TNNI3K: variants seen among roughly 807,000 people sequenced by gnomAD.
The protein encoded by TNNI3K is serine/threonine-protein kinase TNNI3K.
TNNI3K carries 140 observed loss-of-function variants against 114.5 expected under a neutral mutation model. The observed-to-expected ratio is 1.22, with a 90% CI of 1.07 to 1.41. TNNI3K has a LOEUF of 1.41. Ranked by LOEUF, TNNI3K falls within the 40% of genes most tolerant of loss-of-function variation. The probability of loss-of-function intolerance (pLI) is 0.00; values close to 1 mark genes in which losing one functional copy is unlikely to be tolerated. For synonymous variants in TNNI3K, 347 were observed against 347.5 expected, an observed-to-expected ratio of 1.00 and a Z score of 0.02; for missense variants, 1,125 against 1,007.6, an observed-to-expected ratio of 1.12 and a Z score of -1.58.
chr1:74,491,195 A>G (rs534849496), intron 22 of TNNI3K, among the ~76,000 whole-genome samples: 2 of 152,236 alleles, frequency 1.3e-5, no homozygotes, highest in East Asian at 3.9e-4. Context: ...GAAAAGAGAT[A>G]ATTAGGGTGA....
chr1:74,310,618 G>T (rs533238055), intron 5 of TNNI3K, among the ~76,000 whole-genome samples: 1 of 152,148 alleles, frequency 6.6e-6, no homozygotes, highest in African/African-American at 2.4e-5. Flanking sequence ...ACAAAGATAG[G>T]CATATAGATT....
intron 5 of TNNI3K, among the ~76,000 whole-genome samples, chr1:74,287,458 C>T (rs1657403472): frequency 6.6e-6 from 1 of 152,026 alleles, no homozygotes; most frequent in Non-Finnish European, 1.5e-5. Context: ...TTTGAAAGCA[C>T]CATGAGAAAA....
rs200304395 is a variant in TNNI3K, at chr1:74,369,520, G to A, written c.1602G>A (p.Gln534=). The A allele has an allele frequency of 1.6e-5, 26 of 1,612,682 alleles. No homozygotes were observed. Among genetic ancestry groups the A allele is most frequent in the Non-Finnish European group, 1.8e-5 (21 of 1,179,130 alleles). Reference sequence around the variant, plus strand: ...GTGCTTGCTTGAATGATCCCAGCCAGTTTGCCATTGTCACTCAATACATAT... The same window carrying A: ...GTGCTTGCTTGAATGATCCCAGCCAATTTGCCATTGTCACTCAATACATAT... The part of the protein sequence containing the change: ...FVGACLNDPS[Q]FAIVTQYISG... Residue 534 remains glutamine (Q), a synonymous_variant, in exon 16 of 25, where the codon CAG becomes CAA. Transcript: ENST00000326637.
chr1:74,297,644 G>T (rs1245275683), intron 5 of TNNI3K, among the ~76,000 whole-genome samples: 2 of 152,002 alleles, frequency 1.3e-5, no homozygotes, highest in African/African-American at 4.8e-5. Context: ...TGTGCAATGA[G>T]CATGGGGGAT....
chr1:74,496,288 C>G (rs1023056487), intron 23 of TNNI3K, among the ~76,000 whole-genome samples: 1 of 152,152 alleles, frequency 6.6e-6, no homozygotes, highest in African/African-American at 2.4e-5. Context: ...CAAAGGGGAC[C>G]ATTTTGATGA....
Position 74,432,066 on chromosome 1 carries a change from A to AGG in TNNI3K, c.1773-4014_1773-4013insGG, listed in dbSNP as rs1557561904. On this transcript the variant is annotated intron_variant, in intron 17 of 24. Transcript: ENST00000326637. The stretch of plus-strand genomic sequence containing the variant: ...GAGAGTTTAAGATGCAAGTCTGTGT[A>AGG]TGTGTGTGTGTGTGTGTGCACACAT... Among the ~76,000 whole-genome samples, 208 of 150,926 alleles carry AGG rather than the reference A, an allele frequency of 1.4e-3. 1 individual carries two copies. Among genetic ancestry groups the AGG allele is most frequent in the African/African-American group, 4.9e-3 (202 of 41,254 alleles).
At position 74,436,893 on chromosome 1, in the gene TNNI3K, T is replaced by C. The variant is rs142193957; in HGVS notation, c.1878+367T>C. On this transcript the variant is annotated intron_variant, in intron 19 of 24. Coordinates refer to ENST00000326637, the MANE Select transcript of TNNI3K (RefSeq NM_015978.3). ...AAAATTAGTAGTTCATCAGCATCTA[T>C]TAACTATTCATCGTTCTCCACTTTA... Among the ~76,000 whole-genome samples the C allele has an allele frequency of 1.1e-3, 174 of 152,222 alleles. 2 individuals are homozygous for C. In the Middle Eastern group the frequency reaches 0.027, roughly 24 times the overall value.
chr1:74,423,024 G>A lies in TNNI3K; in HGVS notation c.1773-13056G>A, dbSNP rs549055968. Among the ~76,000 whole-genome samples, 10 of 152,138 alleles carry A rather than the reference G, an allele frequency of 6.6e-5. 1 individual carries two copies. The South Asian group carries it at 8.3e-4, about 13-fold the overall frequency. ...AGACATCATCATGAAATATGCATAG[G>A]GTTGAACTGTTTAGTCACACATCAC... On this transcript the variant is annotated intron_variant, in intron 17 of 24. Coordinates refer to ENST00000326637, the MANE Select transcript of TNNI3K (RefSeq NM_015978.3).
chr1:74,480,936 T>C (rs1468961866), intron 21 of TNNI3K: 8 of 716,882 alleles, frequency 1.1e-5, no homozygotes, highest in Non-Finnish European at 1.8e-5. Flanking sequence ...TATCCATCGG[T>C]GATGATTAAA....
intron 4 of TNNI3K, among the ~76,000 whole-genome samples, chr1:74,261,884 A>G (rs767720848): frequency 3.3e-5 from 5 of 152,080 alleles, no homozygotes; most frequent in Non-Finnish European, 5.9e-5. Flanking sequence ...CATTTTATAT[A>G]TGTATTACAA....
At chr1:74,250,520 G>T in intron 3 of TNNI3K, 152 bp from the exon 4 acceptor site, 1 of 567,842 alleles carries the variant, frequency 1.8e-6, no homozygotes, top group Non-Finnish European at 2.9e-6. Flanking sequence ...AGTAAGTAAG[G>T]TTGTCAATTA....
At chr1:74,541,849 A>G (rs1336489351) in intron 24 of TNNI3K, among the ~76,000 whole-genome samples, 1 of 152,214 alleles carries the variant, frequency 6.6e-6, no homozygotes, top group Non-Finnish European at 1.5e-5. Flanking sequence ...ACAAGAAAGA[A>G]CGCTTTAATT....
intron 5 of TNNI3K, among the ~76,000 whole-genome samples, chr1:74,296,305 T>A (rs977546819): frequency 6.6e-6 from 1 of 152,182 alleles, no homozygotes; most frequent in Admixed American, 6.5e-5. Context: ...TATAACATTG[T>A]TCATTAAAGT....
At chr1:74,265,722 G>A (rs1037389306) in intron 4 of TNNI3K, among the ~76,000 whole-genome samples, 2 of 151,970 alleles carry the variant, frequency 1.3e-5, no homozygotes, top group Non-Finnish European at 2.9e-5. Flanking sequence ...TCACAACAAT[G>A]CTATGAGAAT....
intron 24 of TNNI3K, among the ~76,000 whole-genome samples, 200 bp downstream of exon 24, chr1:74,540,513 G>T (rs1041766100): frequency 2.0e-5 from 3 of 151,798 alleles, no homozygotes. Context: ...GTGTGAGCAT[G>T]TGTGAGTGTG....
chr1:74,506,223 A>T (rs1426975614), intron 23 of TNNI3K, among the ~76,000 whole-genome samples: 1 of 152,206 alleles, frequency 6.6e-6, no homozygotes, highest in Non-Finnish European at 1.5e-5. Context: ...AAACATAGAC[A>T]CTTAGTATGT....
At chr1:74,466,118 G>A (rs923044707) in intron 21 of TNNI3K, among the ~76,000 whole-genome samples, 5 of 152,082 alleles carry the variant, frequency 3.3e-5, no homozygotes, top group Admixed American at 6.6e-5. Context: ...AAGAAACTCC[G>A]GACATATCTG....
Position 74,492,235 on chromosome 1 carries a change from A to T in TNNI3K, c.2320A>T (p.Asn774Tyr). The T allele has an allele frequency of 6.2e-7, 1 of 1,611,614 alleles. No homozygotes were observed. Among genetic ancestry groups the T allele is most frequent in the Non-Finnish European group, 8.5e-7 (1 of 1,178,190 alleles). ...TCGTTTCGAATTGGAATATGCTCTAAATGCAAGGTCCTATGCTGCTTTGTC... is the reference window on the plus strand; with the variant it reads ...TCGTTTCGAATTGGAATATGCTCTATATGCAAGGTCCTATGCTGCTTTGTC... Reference protein sequence around the residue: ...RSRFELEYALNARSYAALSQS... With the variant: ...RSRFELEYALYARSYAALSQS... Residue 774 changes from asparagine to tyrosine, a missense_variant, in exon 23 of 25, where the codon AAT (asparagine) becomes TAT (tyrosine). Physicochemically the swap from Asn to Tyr is moderately radical, Grantham distance 143. Coordinates refer to ENST00000326637, the MANE Select transcript of TNNI3K (RefSeq NM_015978.3).
chr1:74,415,555 G>T (rs1665075858), intron 17 of TNNI3K, among the ~76,000 whole-genome samples: 2 of 151,832 alleles, frequency 1.3e-5, no homozygotes, highest in Non-Finnish European at 2.9e-5. Context: ...AAATCTTTCT[G>T]TAAAAATCTT....
Sources: gnomAD v4.1 joint callset for allele counts (sites outside exome capture counted in the v4.1 genomes callset) on GRCh38, gnomAD v4.1.1 for gene constraint, MANE v1.5 for transcripts, NCBI Gene and HGNC (gene_info 2026-07-23, HGNC 2026-07-21) for gene names.